PLSCR2: variants seen among roughly 807,000 people sequenced by gnomAD.
PLSCR2 encodes PL scramblase 2.
In PLSCR2, 18 loss-of-function variants were observed where a neutral mutation model predicts 25.3. The ratio of observed to expected loss-of-function variants is 0.71; its 90% CI spans 0.49 to 1.06. The LOEUF (loss-of-function observed/expected upper bound fraction) is 1.06, where lower values mean the gene tolerates loss of function less well. Ranked by LOEUF, PLSCR2 falls within the 50% of genes least tolerant of loss-of-function variation. The probability of loss-of-function intolerance (pLI) is 0.00; values close to 1 mark genes in which losing one functional copy is unlikely to be tolerated. For missense variants in PLSCR2, 243 were observed against 269.5 expected, an observed-to-expected ratio of 0.90 and a Z score of 0.69; for synonymous variants, 88 against 87.3, an observed-to-expected ratio of 1.01 and a Z score of -0.04.
At chr3:146,426,246 C>A (rs2039345524) in intron 2 of PLSCR2, among the ~76,000 whole-genome samples, 1 of 143,768 alleles carries the variant, frequency 7.0e-6, no homozygotes, top group Non-Finnish European at 1.5e-5. Flanking sequence ...TCCCTCTCTC[C>A]CTCTCTCCCT....
intron 1 of PLSCR2, among the ~76,000 whole-genome samples, chr3:146,471,583 C>T (rs6440441): frequency 0.18 from 14,961 of 81,612 alleles, 1,019 homozygotes; most frequent in African/African-American, 0.32. Context: ...TTTTTTTTTT[C>T]TGAGACAGAG....
At chr3:146,436,483 C>A (rs1374095026) in intron 8 of PLSCR2, among the ~76,000 whole-genome samples, 3 of 152,088 alleles carry the variant, frequency 2.0e-5, no homozygotes, top group African/African-American at 7.2e-5. Context: ...TTGAAGAGGT[C>A]CTTCACATCT....
upstream of PLSCR2, among the ~76,000 whole-genome samples, chr3:146,461,253 T>C (rs2041554558): frequency 3.9e-5 from 6 of 152,192 alleles, no homozygotes; most frequent in Admixed American, 1.3e-4. Context: ...ATACTTAGAA[T>C]AGGCAATACA....
intron 2 of PLSCR2, among the ~76,000 whole-genome samples, chr3:146,406,150 G>A (rs1040435417): frequency 6.6e-6 from 1 of 152,220 alleles, no homozygotes; most frequent in Non-Finnish European, 1.5e-5. Context: ...AGGATGAGAA[G>A]CACAAGTTAT....
downstream of PLSCR2, among the ~76,000 whole-genome samples, chr3:146,438,519 C>T (rs2040028555): frequency 6.6e-6 from 1 of 152,244 alleles, no homozygotes. Context: ...ATCCCTTTAC[C>T]ATTATGTAAT....
At chr3:146,476,448 A>G (rs1406281406) in intron 1 of PLSCR2, among the ~76,000 whole-genome samples, 2 of 152,236 alleles carry the variant, frequency 1.3e-5, no homozygotes, top group Non-Finnish European at 2.9e-5. Context: ...TCCCAACCGC[A>G]GAGCTGCATA....
downstream of PLSCR2, among the ~76,000 whole-genome samples, chr3:146,438,069 T>C (rs1243685258): frequency 1.3e-5 from 2 of 152,220 alleles, no homozygotes; most frequent in African/African-American, 2.4e-5. Context: ...CCAGTTTCCA[T>C]GTAATTGAGC....
upstream of PLSCR2, chr3:146,461,943 T>C: frequency 6.8e-7 from 1 of 1,463,396 alleles, no homozygotes; most frequent in South Asian, 1.4e-5. Flanking sequence ...CTACAAATAA[T>C]ATCCTTTCAT....
At chr3:146,418,748 T>C (rs2039060513) in intron 2 of PLSCR2, among the ~76,000 whole-genome samples, 1 of 152,172 alleles carries the variant, frequency 6.6e-6, no homozygotes, top group African/African-American at 2.4e-5. Flanking sequence ...GTAATGTTAT[T>C]AGGCAGTTTT....
exon 3 of PLSCR2, chr3:146,458,420 G>T (rs753856509): frequency 1.3e-6 from 2 of 1,504,388 alleles, no homozygotes; most frequent in South Asian, 2.4e-5. Context: ...CCTTCCAGAA[G>T]TTCAATTTGC....
chr3:146,426,270 C>T (rs943234847), intron 2 of PLSCR2, among the ~76,000 whole-genome samples: 7 of 137,788 alleles, frequency 5.1e-5, no homozygotes, highest in South Asian at 2.4e-4. Flanking sequence ...TCCTTCCTTC[C>T]TTCTTTTCTT....
At chr3:146,455,174 T>G in intron 4 of PLSCR2, 65 bp downstream of exon 4, 1 of 1,032,604 alleles carries the variant, frequency 9.7e-7, no homozygotes, top group Non-Finnish European at 1.5e-6. Context: ...TTATACAGAT[T>G]CAATAAAAGG....
chr3:146,441,895 T>G (rs954540915), intron 6 of PLSCR2, 74 bp from the exon 7 acceptor site: 2 of 919,564 alleles, frequency 2.2e-6, no homozygotes, highest in African/African-American at 3.3e-5. Flanking sequence ...TGCTAAGGGA[T>G]CTGATGAAAC....
chr3:146,396,625 AAGAC>A (rs1053158454), intron 2 of PLSCR2, among the ~76,000 whole-genome samples: 2 of 152,130 alleles, frequency 1.3e-5, no homozygotes, highest in African/African-American at 4.8e-5. Flanking sequence ...GAGAAATAGG[AAGAC>A]AGACAGAATT....
intron 2 of PLSCR2, among the ~76,000 whole-genome samples, chr3:146,419,506 T>A (rs2039081551): frequency 6.6e-6 from 1 of 152,118 alleles, no homozygotes; most frequent in Non-Finnish European, 1.5e-5. Flanking sequence ...CCTGTATTAA[T>A]TTCCTGTTGC....
intron 2 of PLSCR2, among the ~76,000 whole-genome samples, chr3:146,405,521 A>G (rs1045788784): frequency 1.3e-5 from 2 of 152,056 alleles, no homozygotes; most frequent in Non-Finnish European, 2.9e-5. Context: ...GAAAAGGGAG[A>G]GTCTAAAAAC....
intron 5 of PLSCR2, among the ~76,000 whole-genome samples, chr3:146,450,328 T>C (rs945541309): frequency 6.6e-6 from 1 of 152,238 alleles, no homozygotes; most frequent in Non-Finnish European, 1.5e-5. Context: ...TAGATAAATG[T>C]AGGGAAACTG....
At chr3:146,486,710 A>T (rs1317250489) in intron 1 of PLSCR2, among the ~76,000 whole-genome samples, 1 of 152,070 alleles carries the variant, frequency 6.6e-6, no homozygotes, top group Non-Finnish European at 1.5e-5. Context: ...AGGACAAGAT[A>T]GATTTACAGC....
chr3:146,445,634 T>C (rs1560007540), intron 6 of PLSCR2, among the ~76,000 whole-genome samples: 1 of 152,136 alleles, frequency 6.6e-6, no homozygotes, highest in Non-Finnish European at 1.5e-5. Context: ...TTTCTTTGGG[T>C]TAAATATGCT....
Sources: allele counts gnomAD v4.1 joint callset (sites outside exome capture counted in the v4.1 genomes callset), GRCh38; gene constraint gnomAD v4.1.1; transcripts MANE v1.5; gene names NCBI Gene and HGNC (gene_info 2026-07-23, HGNC 2026-07-21).